Variants in CNTNAP2 observed in about 807,000 individuals in gnomAD.
CNTNAP2 encodes the protein contactin associated protein 2.
In CNTNAP2, 98 loss-of-function variants were observed where a neutral mutation model predicts 155.2. The observed-to-expected ratio is 0.63, with a 90% confidence interval of 0.54 to 0.75. The LOEUF (loss-of-function observed/expected upper bound fraction) is 0.75, where lower values mean the gene tolerates loss of function less well. Ranked by LOEUF, CNTNAP2 falls within the 30% of genes least tolerant of loss-of-function variation. The pLI, the probability that CNTNAP2 is intolerant of heterozygous loss-of-function variation, is 0.00. For missense variants in CNTNAP2, 1,727 were observed against 1,688.1 expected, an observed-to-expected ratio of 1.02 and a Z score of -0.40; for synonymous variants, 651 against 631.2, an observed-to-expected ratio of 1.03 and a Z score of -0.47.
At chr7:146,413,698 T>C (rs1795898156) in intron 1 of CNTNAP2, among the ~76,000 whole-genome samples, 1 of 152,212 alleles carries the variant, frequency 6.6e-6, no homozygotes, top group African/African-American at 2.4e-5. Flanking sequence ...TCTCATACTT[T>C]TCTGCATTTG....
intron 19 of CNTNAP2, among the ~76,000 whole-genome samples, chr7:148,223,920 T>C (rs1795795124): frequency 6.6e-6 from 1 of 152,224 alleles, no homozygotes; most frequent in Non-Finnish European, 1.5e-5. Context: ...GCGTTTTGCA[T>C]AATTGCCGGT....
chr7:148,346,805 G>A (rs911536105), intron 21 of CNTNAP2, among the ~76,000 whole-genome samples: 2 of 149,070 alleles, frequency 1.3e-5, no homozygotes, highest in Non-Finnish European at 3.0e-5. Flanking sequence ...AAAATTAATG[G>A]TTAAAACCAC....
Position 147,121,021 on chromosome 7 carries a change from T to C in CNTNAP2, c.797T>C (p.Met266Thr), listed in dbSNP as rs748416313. 6.2e-7 allele frequency: 1 copy of C among 1,613,996 alleles called. No homozygotes were observed. The highest frequency in any genetic ancestry group is 2.2e-5 in the East Asian group (1 of 44,882). The change falls in exon 6 of 24, where the codon ATG becomes ACG. Residue 266 changes from methionine (M) to threonine (T), a missense_variant. By Grantham distance (81) the Met-to-Thr change is moderately conservative. Coordinates refer to ENST00000361727, the MANE Select transcript of CNTNAP2 (RefSeq NM_014141.6). ...CCCATATATGGCCACACATCAGTGA[T>C]GACAGGAAGTTTGCTGGATGACCAC... ...LGPIYGHTSVMTGSLLDDHHW... is the reference protein window; with the variant it reads ...LGPIYGHTSVTTGSLLDDHHW...
intron 8 of CNTNAP2, among the ~76,000 whole-genome samples, chr7:147,265,065 G>C (rs1164922600): frequency 2.0e-5 from 3 of 152,140 alleles, no homozygotes; most frequent in African/African-American, 7.2e-5. Context: ...CCTTAGCGTT[G>C]CTCAGGTTGT....
Position 147,680,584 on chromosome 7 carries a change from AG to A in CNTNAP2, c.2098+41279del, listed in dbSNP as rs756978005. Among the ~76,000 whole-genome samples, 5 of 151,854 alleles carry A rather than the reference AG, an allele frequency of 3.3e-5. No homozygotes were observed. The East Asian group carries it at 7.7e-4, about 23-fold the overall frequency. On this transcript the variant is annotated intron_variant, in intron 13 of 23. Coordinates refer to ENST00000361727, the MANE Select transcript of CNTNAP2 (RefSeq NM_014141.6). The stretch of plus-strand genomic sequence containing the variant: ...ACCCGGAGTAGATTCAGGAAACCTA[AG>A]CCGTTGATGTTTACCAGTTATACAA...
chr7:146,349,260 A>G (rs1794875405), intron 1 of CNTNAP2, among the ~76,000 whole-genome samples: 1 of 140,396 alleles, frequency 7.1e-6, no homozygotes, highest in Non-Finnish European at 1.5e-5. Context: ...GAACGAGGTC[A>G]TACATAGGTG....
At chr7:146,767,343 T>G (rs1478105710) in intron 1 of CNTNAP2, among the ~76,000 whole-genome samples, 1 of 152,170 alleles carries the variant, frequency 6.6e-6, no homozygotes, top group Admixed American at 6.5e-5. Flanking sequence ...ATTTCTATGA[T>G]AGATCAGTAA....
At chr7:146,247,888 G>T (rs1377226159) in intron 1 of CNTNAP2, among the ~76,000 whole-genome samples, 1 of 152,090 alleles carries the variant, frequency 6.6e-6, no homozygotes, top group Non-Finnish European at 1.5e-5. Flanking sequence ...ACGGAGAAGG[G>T]TTGGGGGTTC....
At chr7:148,413,507 A>G (rs1309265640) in intron 23 of CNTNAP2, among the ~76,000 whole-genome samples, 1 of 145,482 alleles carries the variant, frequency 6.9e-6, no homozygotes, top group Non-Finnish European at 1.5e-5. Context: ...TGCTGGTCTC[A>G]TAAAATGAAT....
chr7:146,784,579 T>C (rs2129187758), intron 2 of CNTNAP2, among the ~76,000 whole-genome samples: 1 of 152,336 alleles, frequency 6.6e-6, no homozygotes, highest in Admixed American at 6.5e-5. Context: ...ATTGTTGATA[T>C]GGATCTAGAT....
intron 15 of CNTNAP2, chr7:148,056,759 C>T (rs1313832953): frequency 6.6e-6 from 1 of 152,092 alleles, no homozygotes; most frequent in Non-Finnish European, 1.5e-5. Flanking sequence ...CGTCTGTTGC[C>T]CACCCAAAAA....
At chr7:146,161,949 G>C (rs1441875899) in intron 1 of CNTNAP2, among the ~76,000 whole-genome samples, 3 of 152,106 alleles carry the variant, frequency 2.0e-5, no homozygotes, top group Admixed American at 6.5e-5. Flanking sequence ...TGGGAAAACT[G>C]GCTAGCCATA....
chr7:148,330,904 C>CGGATGGAGTGGATGGATGGAATGGAT (rs1797986898), intron 21 of CNTNAP2, among the ~76,000 whole-genome samples: 1 of 76,010 alleles, frequency 1.3e-5, no homozygotes, highest in Non-Finnish European at 3.2e-5. Flanking sequence ...ATGGAATGGA[C>CGGATGGAGTGGATGGATGGAATGGAT]GGATGGAGTG....
chr7:147,464,494 C>T (rs926726982), intron 10 of CNTNAP2, among the ~76,000 whole-genome samples: 30 of 139,666 alleles, frequency 2.1e-4, no homozygotes, highest in African/African-American at 4.8e-4. Context: ...AAAAAAAGTG[C>T]GTGTTTGTGC....
At chr7:147,751,449 G>A (rs1797134238) in intron 13 of CNTNAP2, among the ~76,000 whole-genome samples, 1 of 142,670 alleles carries the variant, frequency 7.0e-6, no homozygotes, top group Non-Finnish European at 1.5e-5. Flanking sequence ...TTATGATCTG[G>A]AAAGTTTGTT....
At chr7:147,172,452 T>G (rs73473005) in intron 8 of CNTNAP2, among the ~76,000 whole-genome samples, 6,704 of 152,254 alleles carry the variant, frequency 0.044, 479 homozygotes, top group African/African-American at 0.15. Context: ...TAAAACTCAT[T>G]TAATCTGTTA....
chr7:146,448,252 A>G (rs1796429494), intron 1 of CNTNAP2, among the ~76,000 whole-genome samples: 1 of 152,020 alleles, frequency 6.6e-6, no homozygotes, highest in African/African-American at 2.4e-5. Context: ...AAACCAAAAC[A>G]CAGAAAAGTA....
intron 13 of CNTNAP2, among the ~76,000 whole-genome samples, chr7:147,771,686 A>G (rs1193280737): frequency 1.3e-5 from 2 of 152,018 alleles, no homozygotes; most frequent in Non-Finnish European, 2.9e-5. Context: ...TTGTGTCTTC[A>G]TATGTGTTTT....
At chr7:146,688,713 C>T (rs73455286) in intron 1 of CNTNAP2, among the ~76,000 whole-genome samples, 2,161 of 152,172 alleles carry the variant, frequency 0.014, 59 homozygotes, top group African/African-American at 0.05. Context: ...TGGATGTATA[C>T]GTGCAGGTCA....
Sources: gnomAD v4.1 joint callset for allele counts (sites outside exome capture counted in the v4.1 genomes callset) on GRCh38, gnomAD v4.1.1 for gene constraint, MANE v1.5 for transcripts, NCBI Gene and HGNC (gene_info 2026-07-23, HGNC 2026-07-21) for gene names.